The following PTPRD variants were observed in gnomAD, a reference collection of about 807,000 sequenced individuals.
PTPRD encodes protein tyrosine phosphatase receptor type D.
PTPRD carries 34 observed loss-of-function variants against 214.5 expected under a neutral mutation model. The observed-to-expected ratio is 0.16, with a 90% CI of 0.12 to 0.21. The LOEUF (loss-of-function observed/expected upper bound fraction) is 0.21. PTPRD is among the 10% of genes least tolerant of loss of function. PTPRD has a pLI of 1.00. For missense variants in PTPRD, 2,545 were observed against 2,398.7 expected, an observed-to-expected ratio of 1.06 and a Z score of -1.27; for synonymous variants, 1,128 against 845.7, an observed-to-expected ratio of 1.33 and a Z score of -5.79.
intron 3 of PTPRD, among the ~76,000 whole-genome samples, chr9:10,329,084 T>C (rs2096701898): frequency 6.6e-6 from 1 of 151,786 alleles, no homozygotes. Flanking sequence ...CTTAATACAT[T>C]GGAAATTATA....
At chr9:9,505,226 T>G (rs1331837632) in intron 8 of PTPRD, among the ~76,000 whole-genome samples, 1 of 151,618 alleles carries the variant, frequency 6.6e-6, no homozygotes, top group African/African-American at 2.4e-5. Context: ...TGGTTTCATT[T>G]AGGACTAGAG....
chr9:9,667,813 G>A (rs756012928), intron 7 of PTPRD, among the ~76,000 whole-genome samples: 19 of 152,290 alleles, frequency 1.2e-4, no homozygotes, highest in Non-Finnish European at 2.2e-4. Flanking sequence ...CTGTAGGGTA[G>A]GACAGGGAAG....
intron 7 of PTPRD, among the ~76,000 whole-genome samples, chr9:9,701,938 G>A (rs534201235): frequency 6.6e-6 from 1 of 152,104 alleles, no homozygotes; most frequent in African/African-American, 2.4e-5. Context: ...GGCCAACATG[G>A]TGAAACTCCG....
chr9:8,888,127 G>A (rs1374122923), intron 11 of PTPRD, among the ~76,000 whole-genome samples: 1 of 152,112 alleles, frequency 6.6e-6, no homozygotes, highest in African/African-American at 2.4e-5. Flanking sequence ...TCGTTAAAGA[G>A]TGCTCATCAC....
At chr9:8,894,021 G>A (rs1033567620) in intron 11 of PTPRD, among the ~76,000 whole-genome samples, 5 of 151,972 alleles carry the variant, frequency 3.3e-5, no homozygotes, top group East Asian at 1.9e-4. Flanking sequence ...AAGCACACCC[G>A]AAGATACGCA....
At chr9:9,012,544 T>C (rs1484755733) in intron 11 of PTPRD, among the ~76,000 whole-genome samples, 1 of 152,122 alleles carries the variant, frequency 6.6e-6, no homozygotes, top group Non-Finnish European at 1.5e-5. Context: ...TGTCTAAAAA[T>C]ATCAAATGGG....
At chr9:10,377,323 G>A (rs753430023) in intron 2 of PTPRD, among the ~76,000 whole-genome samples, 12 of 151,462 alleles carry the variant, frequency 7.9e-5, no homozygotes, top group Non-Finnish European at 1.5e-4. Flanking sequence ...TAAGTTCTAG[G>A]GTACACGAGC....
At chr9:8,996,080 G>T (rs141176237) in intron 11 of PTPRD, among the ~76,000 whole-genome samples, 64 of 152,088 alleles carry the variant, frequency 4.2e-4, no homozygotes, top group Middle Eastern at 3.4e-3. Flanking sequence ...CACTTTATAT[G>T]CAACTTAAAA....
intron 7 of PTPRD, among the ~76,000 whole-genome samples, chr9:9,652,530 A>C (rs1199190585): frequency 1.3e-5 from 2 of 152,122 alleles, no homozygotes; most frequent in Admixed American, 1.3e-4. Flanking sequence ...TGCCTATCTG[A>C]AAGGGTCAGA....
chr9:9,520,979 A>C (rs1383786598), intron 8 of PTPRD, among the ~76,000 whole-genome samples: 1 of 152,196 alleles, frequency 6.6e-6, no homozygotes, highest in Non-Finnish European at 1.5e-5. Flanking sequence ...TTTGTAGCTC[A>C]CACCTGCATC....
chr9:9,603,235 C>A (rs1316091858), intron 7 of PTPRD, among the ~76,000 whole-genome samples: 1 of 152,042 alleles, frequency 6.6e-6, no homozygotes, highest in African/African-American at 2.4e-5. Context: ...TTTATGTTGT[C>A]CATACTAGAC....
intron 5 of PTPRD, among the ~76,000 whole-genome samples, chr9:9,829,460 C>G (rs1034838702): frequency 6.6e-6 from 1 of 151,756 alleles, no homozygotes; most frequent in African/African-American, 2.4e-5. Context: ...ATCCCAATTC[C>G]TCTGGCTTTA....
chr9:8,713,565 C>G, intron 12 of PTPRD: 1 of 1,440,996 alleles, frequency 6.9e-7, no homozygotes, highest in South Asian at 1.1e-5. Context: ...TGCGCTGTGA[C>G]TCCCGGAGCG....
intron 8 of PTPRD, among the ~76,000 whole-genome samples, chr9:9,563,022 C>T (rs576196150): frequency 6.6e-6 from 1 of 152,138 alleles, no homozygotes; most frequent in South Asian, 2.1e-4. Flanking sequence ...ACTATTAGAA[C>T]ATTTTTAATA....
At chr9:10,216,802 C>T (rs116131112) in intron 3 of PTPRD, among the ~76,000 whole-genome samples, 1 of 152,094 alleles carries the variant, frequency 6.6e-6, no homozygotes, top group African/African-American at 2.4e-5. Flanking sequence ...AAGTGCAACA[C>T]TTCTATCTCT....
chr9:9,196,930 T>C (rs564193110), intron 9 of PTPRD, among the ~76,000 whole-genome samples: 99 of 152,264 alleles, frequency 6.5e-4, no homozygotes, highest in Non-Finnish European at 9.7e-4. Flanking sequence ...GGAATATCAA[T>C]ATCAGACAAG....
At chr9:9,695,155 G>C (rs1013209118) in intron 7 of PTPRD, among the ~76,000 whole-genome samples, 4 of 152,116 alleles carry the variant, frequency 2.6e-5, no homozygotes, top group African/African-American at 4.8e-5. Flanking sequence ...GGGCTCAAGG[G>C]CTCTTTAGTC....
intron 4 of PTPRD, among the ~76,000 whole-genome samples, chr9:9,988,899 G>C (rs1321049103): frequency 6.7e-6 from 1 of 149,252 alleles, no homozygotes; most frequent in Admixed American, 6.8e-5. Flanking sequence ...GAAATCTAGA[G>C]AAATAAACAG....
intron 10 of PTPRD, among the ~76,000 whole-genome samples, chr9:9,027,794 TA>T (rs1205166971): frequency 6.6e-6 from 1 of 151,982 alleles, no homozygotes; most frequent in Non-Finnish European, 1.5e-5. Flanking sequence ...ACATTTTACA[TA>T]AGATCTGCTT....
Sources: allele counts gnomAD v4.1 joint callset (sites outside exome capture counted in the v4.1 genomes callset), GRCh38; gene constraint gnomAD v4.1.1; transcripts MANE v1.5; gene names NCBI Gene and HGNC (gene_info 2026-07-23, HGNC 2026-07-21).